Variants in ARHGAP5 observed in about 807,000 individuals in gnomAD.
ARHGAP5 encodes rho GTPase-activating protein 5.
In ARHGAP5, 23 loss-of-function variants were observed where a neutral mutation model predicts 116.6. That is an observed-to-expected ratio of 0.20 (90% CI 0.14 to 0.28). The LOEUF (loss-of-function observed/expected upper bound fraction) is 0.28. Ranked by LOEUF, ARHGAP5 falls within the 10% of genes least tolerant of loss-of-function variation. The pLI, the probability that ARHGAP5 is intolerant of heterozygous loss-of-function variation, is 1.00. For synonymous variants in ARHGAP5, 574 were observed against 602.0 expected (o/e 0.95, Z 0.68); for missense variants, 1,405 against 1,774.8 (o/e 0.79, Z 3.74).
rs1486902074 is a variant in ARHGAP5, at chr14:32,149,911, T to C, written c.3953T>C (p.Ile1318Thr). The C allele has an allele frequency of 2.0e-6, 3 of 1,522,868 alleles. No homozygotes were observed. Among genetic ancestry groups the C allele is most frequent in the Non-Finnish European group, 2.6e-6 (3 of 1,133,218 alleles). 94.3% of individuals were successfully genotyped at this position (1,522,868 alleles called of 1,614,324 possible). The change falls in exon 5 of 7, where the codon ATC becomes ACC. Residue 1318 changes from isoleucine to threonine, a missense_variant. Ile to Thr is a moderately conservative substitution (Grantham distance 89). Transcript: ENST00000345122. ...AATTTTTGTCTTGTAGATCATAATA[T>C]CAATCTAGTGTCAATGGAAGTAACA... ...IQKQFDQDHN[I>T]NLVSMEVTVN...
At chr14:32,081,003 T>C (rs1290145181) in intron 1 of ARHGAP5, among the ~76,000 whole-genome samples, 1 of 152,176 alleles carries the variant, frequency 6.6e-6, no homozygotes, top group Admixed American at 6.5e-5. Context: ...AAATGGATAT[T>C]CATTTTTCTA....
At chr14:32,088,371 T>TA (rs562977086) in intron 1 of ARHGAP5, among the ~76,000 whole-genome samples, 35 of 151,166 alleles carry the variant, frequency 2.3e-4, no homozygotes, top group Non-Finnish European at 3.6e-4. Context: ...GCTTTTCTAA[T>TA]AAAAAAAAAG....
At chr14:32,079,334 A>G (rs1309224353) in intron 1 of ARHGAP5, among the ~76,000 whole-genome samples, 2 of 152,190 alleles carry the variant, frequency 1.3e-5, no homozygotes, top group African/African-American at 4.8e-5. Flanking sequence ...CTTTGATGTA[A>G]GAATTGCGGC....
chr14:32,124,038 TC>T (rs1422100195), intron 3 of ARHGAP5, among the ~76,000 whole-genome samples: 1 of 152,172 alleles, frequency 6.6e-6, no homozygotes, highest in Non-Finnish European at 1.5e-5. Flanking sequence ...TCTGTGTATT[TC>T]TCCATCTTTT....
At chr14:32,082,826 C>T (rs1473883254) in intron 1 of ARHGAP5, among the ~76,000 whole-genome samples, 1 of 152,210 alleles carries the variant, frequency 6.6e-6, no homozygotes, top group Non-Finnish European at 1.5e-5. Flanking sequence ...AGGCATGAGC[C>T]ACTGCACCTG....
At chr14:32,108,006 A>T (rs1280415941) in intron 2 of ARHGAP5, among the ~76,000 whole-genome samples, 1 of 152,210 alleles carries the variant, frequency 6.6e-6, no homozygotes, top group Non-Finnish European at 1.5e-5. Context: ...AGTGAAGAGT[A>T]TGATATGGGA....
chr14:32,155,327 T>A lies in ARHGAP5; in HGVS notation c.*379T>A. The A allele has an allele frequency of 6.3e-6, 1 of 158,394 alleles. No homozygotes were observed. The highest frequency in any genetic ancestry group is 1.4e-5 in the Non-Finnish European group (1 of 71,560). 9.8% of individuals were successfully genotyped at this position (158,394 alleles called of 1,614,324 possible). ...ATGAAACATTTAATGCTTTTCAGCC[T>A]GCTTTCTGGCTGATTTTGTTATTTG... On this transcript the variant is annotated 3_prime_UTR_variant, in exon 7 of 7. Coordinates refer to ENST00000345122, the MANE Select transcript of ARHGAP5 (RefSeq NM_001030055.2).
intron 1 of ARHGAP5, among the ~76,000 whole-genome samples, chr14:32,081,292 T>C (rs1248792895): frequency 6.6e-6 from 1 of 152,128 alleles, no homozygotes; most frequent in African/African-American, 2.4e-5. Context: ...TAAAGGAAAG[T>C]ATTACTTGGA....
At chr14:32,130,004 A>C (rs74041588) in intron 3 of ARHGAP5, among the ~76,000 whole-genome samples, 1 of 152,032 alleles carries the variant, frequency 6.6e-6, no homozygotes, top group Non-Finnish European at 1.5e-5. Flanking sequence ...TTGAGGTTGC[A>C]GTGAGCCATG....
intron 2 of ARHGAP5, among the ~76,000 whole-genome samples, chr14:32,107,075 G>T (rs1387342219): frequency 6.6e-6 from 1 of 152,148 alleles, no homozygotes; most frequent in Admixed American, 6.5e-5. Context: ...GACTGGTAGC[G>T]AGGTGTTTTT....
chr14:32,088,694 A>G (rs146243392), intron 1 of ARHGAP5, among the ~76,000 whole-genome samples: 71 of 152,134 alleles, frequency 4.7e-4, no homozygotes, highest in African/African-American at 1.4e-3. Flanking sequence ...AGTTTCCTTT[A>G]TTACATGTAT....
intron 5 of ARHGAP5, 41 bp from the exon 6 acceptor site, chr14:32,152,382 T>G (rs758368835): frequency 7.6e-7 from 1 of 1,319,664 alleles, no homozygotes; most frequent in Non-Finnish European, 1.1e-6. Context: ...TTTTTAAATG[T>G]GTAAGTTTTA....
intron 2 of ARHGAP5, among the ~76,000 whole-genome samples, chr14:32,110,086 A>G (rs1352660495): frequency 6.6e-6 from 1 of 152,114 alleles, no homozygotes; most frequent in Non-Finnish European, 1.5e-5. Flanking sequence ...GACCTCAAGT[A>G]TCTCTTTCTG....
In ARHGAP5 at chr14:32,093,529, A is replaced by G; in HGVS notation, c.2860A>G (p.Thr954Ala). ...MIENSYLSDN[T>A]RESTHQSEDV... is the part of the protein sequence containing the mutation. ...AGAAAATTCTTATTTGTCTGATAATACAAGGGAATCAACCCATCAAAGTGA... is the reference window on the plus strand; with the variant it reads ...AGAAAATTCTTATTTGTCTGATAATGCAAGGGAATCAACCCATCAAAGTGA... The change falls in exon 2 of 7, where the codon ACA becomes GCA. Residue 954 changes from threonine (T) to alanine (A), a missense_variant. Physicochemically the swap from Thr to Ala is moderately conservative, Grantham distance 58. Transcript: ENST00000345122. The G allele has an allele frequency of 1.9e-6, 3 of 1,613,842 alleles. No individual in the cohort carries two copies. The highest frequency in any genetic ancestry group is 1.7e-6 in the Non-Finnish European group (2 of 1,179,858).
chr14:32,077,500 C>A (rs2041718771), intron 1 of ARHGAP5, 65 bp downstream of exon 1: 1 of 671,108 alleles, frequency 1.5e-6, no homozygotes, highest in African/African-American at 1.8e-5. Flanking sequence ...GACCCTCCTG[C>A]GGCTAGCTGC....
Position 32,091,844 on chromosome 14 carries a change from T to C in ARHGAP5, c.1175T>C (p.Ile392Thr). The C allele has an allele frequency of 1.9e-6, 3 of 1,613,404 alleles. No homozygotes were observed. Among genetic ancestry groups the C allele is most frequent in the Non-Finnish European group, 2.5e-6 (3 of 1,179,596 alleles). Residue 392 changes from isoleucine (I) to threonine (T), a missense_variant, in exon 2 of 7, where the codon ATA (isoleucine) becomes ACA (threonine). Ile to Thr is a moderately conservative substitution (Grantham distance 89, BLOSUM62 -1). Around this residue, in one of 6 missense-constraint regions of ARHGAP5, gnomAD observed 944 missense variants for 1,095.3 expected, o/e 0.86. Coordinates refer to ENST00000345122, the MANE Select transcript of ARHGAP5 (RefSeq NM_001030055.2). ...ACTCCTTGGGATGAAACTGACCATA[T>C]AGACAAAATTAATGATAGGCGGATT... ...EKTPWDETDH[I>T]DKINDRRIPF...
intron 2 of ARHGAP5, among the ~76,000 whole-genome samples, chr14:32,095,075 A>C (rs1261609129): frequency 6.6e-6 from 1 of 152,194 alleles, no homozygotes; most frequent in Non-Finnish European, 1.5e-5. Flanking sequence ...ACTGTTTGAC[A>C]CTTAATTGCA....
intron 3 of ARHGAP5, among the ~76,000 whole-genome samples, chr14:32,140,090 A>ATTTTTTTTTTTTTTTTTTTTTT (rs1566681657): frequency 2.3e-5 from 1 of 44,302 alleles, no homozygotes; most frequent in African/African-American, 9.9e-5. Context: ...TTTTTAGGTT[A>ATTTTTTTTTTTTTTTTTTTTTT]TTTGTTCTTT....
intron 3 of ARHGAP5, among the ~76,000 whole-genome samples, chr14:32,143,208 TG>T (rs1357489687): frequency 7.4e-6 from 1 of 134,454 alleles, no homozygotes; most frequent in African/African-American, 3.2e-5. Context: ...TTTTAGTTGT[TG>T]TTGTTGTTGT....
Sources: allele counts gnomAD v4.1 joint callset (sites outside exome capture counted in the v4.1 genomes callset), GRCh38; gene constraint gnomAD v4.1.1; regional missense constraint gnomAD v4.1.1; transcripts MANE v1.5; gene names NCBI Gene and HGNC (gene_info 2026-07-23, HGNC 2026-07-21).